BRINP1: variants seen among roughly 807,000 people sequenced by gnomAD.
The protein encoded by BRINP1 is BMP/retinoic acid-inducible neural-specific protein 1.
Under a neutral mutation model 72.9 loss-of-function variants are expected in BRINP1, and 17 were observed. That is an observed-to-expected ratio of 0.23 (90% CI 0.16 to 0.35). The LOEUF is 0.35. Ranked by LOEUF, BRINP1 falls within the 10% of genes least tolerant of loss-of-function variation. BRINP1 has a pLI of 1.00. For synonymous variants in BRINP1, 418 were observed against 378.5 expected, an observed-to-expected ratio of 1.10 and a Z score of -1.21; for missense variants, 850 against 1,001.6, an observed-to-expected ratio of 0.85 and a Z score of 2.04.
chr9:119,249,194 AC>A (rs1830353053), intron 2 of BRINP1, 44 bp from the exon 3 acceptor site: 2 of 1,573,648 alleles, frequency 1.3e-6, no homozygotes, highest in Non-Finnish European at 1.7e-6. Flanking sequence ...TACCACCATT[AC>A]CCTTAAGCCA....
rs145421563 is a variant in BRINP1, at chr9:119,169,927, G to A, written c.1146-1703C>T. 5.9e-3 allele frequency among the ~76,000 whole-genome samples: 901 copies of A among 152,022 alleles called. 11 individuals are homozygous for A. The highest frequency in any genetic ancestry group is 0.021 in the African/African-American group (865 of 41,310). On this transcript the variant is annotated intron_variant, in intron 7 of 7. Coordinates refer to ENST00000265922, the MANE Select transcript of BRINP1 (RefSeq NM_014618.3). ...AGACTTGCAGCTGAGGGTCCTATCTGTTAGAAGGAAAACTAACAAACAGAA... is the reference window on the plus strand; with the variant it reads ...AGACTTGCAGCTGAGGGTCCTATCTATTAGAAGGAAAACTAACAAACAGAA...
At chr9:119,199,477 A>G (rs1054715337) in intron 7 of BRINP1, among the ~76,000 whole-genome samples, 1 of 152,200 alleles carries the variant, frequency 6.6e-6, no homozygotes, top group East Asian at 1.9e-4. Context: ...GATGCCCCCA[A>G]GAGATTTTCA....
At chr9:119,240,597 G>A (rs1043707173) in intron 4 of BRINP1, among the ~76,000 whole-genome samples, 3 of 152,154 alleles carry the variant, frequency 2.0e-5, no homozygotes, top group Non-Finnish European at 2.9e-5. Context: ...CTCTGACTCC[G>A]ATGGCTTCAT....
chr9:119,236,984 A>G (rs528792410), intron 5 of BRINP1, among the ~76,000 whole-genome samples: 1 of 152,180 alleles, frequency 6.6e-6, no homozygotes, highest in African/African-American at 2.4e-5. Context: ...CAAGCCCTCC[A>G]TGCATGTTAG....
chr9:119,195,222 C>T (rs1829724489), intron 7 of BRINP1, among the ~76,000 whole-genome samples: 1 of 152,160 alleles, frequency 6.6e-6, no homozygotes, highest in African/African-American at 2.4e-5. Context: ...ACCCCCCTAC[C>T]ACTTGTATCC....
intron 2 of BRINP1, among the ~76,000 whole-genome samples, chr9:119,269,337 G>C (rs1830584598): frequency 6.6e-6 from 1 of 152,150 alleles, no homozygotes; most frequent in African/African-American, 2.4e-5. Flanking sequence ...CCTTGTAAAT[G>C]CTCGTGGAAT....
At chr9:119,242,643 C>A (rs1830265457) in intron 3 of BRINP1, among the ~76,000 whole-genome samples, 1 of 152,098 alleles carries the variant, frequency 6.6e-6, no homozygotes, top group African/African-American at 2.4e-5. Flanking sequence ...CCCATCTCCC[C>A]TTCATTTCTT....
In BRINP1 at chr9:119,313,197, G is replaced by A; in HGVS notation, c.159C>T (p.Ser53=). The part of the protein sequence containing the change: ...SDRGPFHHSR[S]YLSFVERHRQ... ...GGTGTCTTTCCACAAAGGATAGGTA[G>A]CTCCTGGAGTGGTGGAAAGGCCCCC... The change falls in exon 2 of 8, where the codon AGC becomes AGT. Residue 53 remains serine (S), a synonymous_variant. Transcript: ENST00000265922. The A allele has an allele frequency of 1.2e-6, 2 of 1,614,108 alleles. No individual in the cohort carries two copies. The highest frequency in any genetic ancestry group is 8.5e-7 in the Non-Finnish European group (1 of 1,180,008).
intron 2 of BRINP1, among the ~76,000 whole-genome samples, chr9:119,288,765 TTTTG>T (rs781299884): frequency 2.6e-4 from 39 of 151,742 alleles, no homozygotes; most frequent in Non-Finnish European, 3.1e-4. Context: ...AAAGGAGAGG[TTTTG>T]TTTGTTTGTT....
rs141096117 is a variant in BRINP1, at chr9:119,325,004, G to A, written c.-50-11599C>T. 5.7e-4 allele frequency among the ~76,000 whole-genome samples: 86 copies of A among 152,144 alleles called. 1 individual carries two copies. Among genetic ancestry groups the A allele is most frequent in the African/African-American group, 2.0e-3 (84 of 41,510 alleles). ...AATCCCAGCTACTCGGGAGGCTGAGGCAAGAGAATTGCTTGAACCAGGGAG... is the reference window on the plus strand; with the variant it reads ...AATCCCAGCTACTCGGGAGGCTGAGACAAGAGAATTGCTTGAACCAGGGAG... On this transcript the variant is annotated intron_variant, in intron 1 of 7. Transcript: ENST00000265922.
At chr9:119,224,843 A>G (rs2118889142) in intron 5 of BRINP1, among the ~76,000 whole-genome samples, 1 of 152,210 alleles carries the variant, frequency 6.6e-6, no homozygotes, top group Admixed American at 6.6e-5. Context: ...AATGTCACTA[A>G]AATGGAAAGT....
At chr9:119,367,826 C>G (rs1831711408) in intron 1 of BRINP1, among the ~76,000 whole-genome samples, 2 of 152,188 alleles carry the variant, frequency 1.3e-5, no homozygotes, top group East Asian at 3.9e-4. Context: ...CTCTCTCTCT[C>G]TGTCTCCCTC....
intron 1 of BRINP1, among the ~76,000 whole-genome samples, chr9:119,359,427 G>A (rs1270243458): frequency 1.3e-5 from 2 of 152,130 alleles, no homozygotes; most frequent in African/African-American, 4.8e-5. Flanking sequence ...GTCTCAAACA[G>A]CCGGCCTCAA....
rs558084877 is a variant in BRINP1, at chr9:119,328,190, G to A, written c.-50-14785C>T. ...GAGCAGGGGTGTGTAAGAAGAAAAG[G>A]GTCTCAAGTTTCAAAGGCTACAGAG... On this transcript the variant is annotated intron_variant, in intron 1 of 7. Coordinates refer to ENST00000265922, the MANE Select transcript of BRINP1 (RefSeq NM_014618.3). Among the ~76,000 whole-genome samples the A allele has an allele frequency of 2.2e-4, 34 of 152,230 alleles. No individual in the cohort carries two copies. In the South Asian group the frequency reaches 4.4e-3, roughly 20 times the overall value.
rs1831728838 is a variant in BRINP1, at chr9:119,369,238, G to A, written c.-233C>T. ...CTCAGCCGTAAAGTCCCCTTCGCTG[G>A]TCCCGAGGACAGGCATGAATCCCGG... On this transcript the variant is annotated 5_prime_UTR_variant, in exon 1 of 8. Coordinates refer to ENST00000265922, the MANE Select transcript of BRINP1 (RefSeq NM_014618.3). 7.5e-6 allele frequency: 3 copies of A among 398,564 alleles called. No individual in the cohort carries two copies. The highest frequency in any genetic ancestry group is 8.8e-6 in the Non-Finnish European group (2 of 226,108). 24.7% of individuals were successfully genotyped at this position (398,564 alleles called of 1,614,324 possible).
chr9:119,206,054 G>A (rs1829850236), intron 7 of BRINP1, among the ~76,000 whole-genome samples: 1 of 152,146 alleles, frequency 6.6e-6, no homozygotes, highest in Admixed American at 6.5e-5. Flanking sequence ...GGTCTTTAAA[G>A]TGGTAATTAA....
intron 1 of BRINP1, among the ~76,000 whole-genome samples, chr9:119,317,856 C>CT (rs1465259802): frequency 3.3e-5 from 5 of 152,224 alleles, no homozygotes; most frequent in East Asian, 3.9e-4. Flanking sequence ...GATCATTAGC[C>CT]TTTTTTTAGT....
chr9:119,338,716 C>CAAAA (rs560291604), intron 1 of BRINP1, among the ~76,000 whole-genome samples: 70 of 108,504 alleles, frequency 6.5e-4, no homozygotes, highest in African/African-American at 2.4e-3. Context: ...ACTAAAAATA[C>CAAAA]AAAAAAAAAA....
chr9:119,275,635 C>T (rs774015019), intron 2 of BRINP1, among the ~76,000 whole-genome samples: 15 of 152,278 alleles, frequency 9.9e-5, no homozygotes, highest in Non-Finnish European at 1.8e-4. Flanking sequence ...CAAGTCCATC[C>T]ATACTATAAG....
Sources: allele counts gnomAD v4.1 joint callset (sites outside exome capture counted in the v4.1 genomes callset), GRCh38; gene constraint gnomAD v4.1.1; transcripts MANE v1.5; gene names NCBI Gene and HGNC (gene_info 2026-07-23, HGNC 2026-07-21).